Variants in RGS6 observed in about 807,000 individuals in gnomAD.
RGS6 encodes the protein regulator of G protein signaling 6.
RGS6 carries 30 observed loss-of-function variants against 78.5 expected under a neutral mutation model. The ratio of observed to expected loss-of-function variants is 0.38; its 90% CI spans 0.29 to 0.52. The LOEUF (loss-of-function observed/expected upper bound fraction) is 0.52. RGS6 is among the 20% of genes least tolerant of loss of function. The probability of loss-of-function intolerance (pLI) is 0.85; values close to 1 mark genes in which losing one functional copy is unlikely to be tolerated. For synonymous variants in RGS6, 206 were observed against 206.0 expected (o/e 1.00, Z 0.00); for missense variants, 495 against 609.7 (o/e 0.81, Z 1.98).
the RGS6 span, among the ~76,000 whole-genome samples, chr14:71,876,867 C>T: frequency 2.0e-5 from 3 of 151,968 alleles, no homozygotes; most frequent in East Asian, 5.8e-4. Context: ...TTAGGGCAGG[C>T]CTGGTGGTGA....
chr14:72,006,716 T>C (rs564691141), intron 2 of RGS6, among the ~76,000 whole-genome samples: 1 of 152,324 alleles, frequency 6.6e-6, no homozygotes, highest in Admixed American at 6.5e-5. Context: ...CGTGAAACAA[T>C]AAATTCTTGT....
At chr14:72,184,877 T>A (rs955303822) in intron 2 of RGS6, among the ~76,000 whole-genome samples, 1 of 152,192 alleles carries the variant, frequency 6.6e-6, no homozygotes, top group Non-Finnish European at 1.5e-5. Flanking sequence ...GATAGATAGA[T>A]GTACATATGA....
At chr14:71,869,408 G>T in the RGS6 span, among the ~76,000 whole-genome samples, 1 of 152,196 alleles carries the variant, frequency 6.6e-6, no homozygotes, top group Non-Finnish European at 1.5e-5. Flanking sequence ...GATTCCAGGG[G>T]ACCTTTCCCA....
At position 72,255,380 on chromosome 14, in the gene RGS6, A is replaced by G. The variant is rs572553007; in HGVS notation, c.85-96715A>G. On this transcript the variant is annotated intron_variant, in intron 2 of 17. Coordinates refer to ENST00000553525, the MANE Select transcript of RGS6 (RefSeq NM_001204424.2). ...TGGCCTCTAGCTAGGGCCTCAAAAC[A>G]GGGTGAAGACAGTATAGAATAAAAA... Among the ~76,000 whole-genome samples the G allele has an allele frequency of 2.0e-5, 3 of 152,320 alleles. No homozygotes were observed. The South Asian group carries it at 6.2e-4, about 32-fold the overall frequency.
intron 2 of RGS6, among the ~76,000 whole-genome samples, chr14:72,004,255 C>G (rs140703114): frequency 7.8e-4 from 119 of 152,230 alleles, no homozygotes; most frequent in African/African-American, 2.5e-3. Flanking sequence ...TATTTATGTT[C>G]TGTTAAGATT....
intron 3 of RGS6, among the ~76,000 whole-genome samples, chr14:72,365,336 A>C (rs564922738): frequency 1.8e-4 from 28 of 152,256 alleles, no homozygotes; most frequent in Non-Finnish European, 3.8e-4. Flanking sequence ...TAAGCAGAGC[A>C]GAAAATTGAT....
At chr14:72,400,377 AAAG>A (rs1400979726) in intron 3 of RGS6, among the ~76,000 whole-genome samples, 2 of 152,224 alleles carry the variant, frequency 1.3e-5, no homozygotes, top group African/African-American at 2.4e-5. Flanking sequence ...TCGAGCAATG[AAAG>A]AAGATGATTT....
intron 4 of RGS6, among the ~76,000 whole-genome samples, chr14:72,457,624 CCAAAGGAA>C (rs11277788): frequency 0.22 from 33,446 of 151,968 alleles, 4,088 homozygotes; most frequent in Middle Eastern, 0.29. Context: ...ATGGCTGGTG[CCAAAGGAA>C]CGAAGGAACA....
intron 1 of RGS6, among the ~76,000 whole-genome samples, chr14:71,943,896 G>A (rs1166977777): frequency 6.6e-6 from 1 of 152,160 alleles, no homozygotes; most frequent in African/African-American, 2.4e-5. Flanking sequence ...TGGACTAGTG[G>A]GGGTGCATGG....
At chr14:72,242,596 T>A (rs1338993384) in intron 2 of RGS6, among the ~76,000 whole-genome samples, 1 of 152,140 alleles carries the variant, frequency 6.6e-6, no homozygotes, top group African/African-American at 2.4e-5. Flanking sequence ...CTGCCGTTTT[T>A]GACAGGTAAA....
At chr14:72,547,489 G>A in intron 17 of RGS6, 1 of 670,890 alleles carries the variant, frequency 1.5e-6, no homozygotes, top group South Asian at 1.8e-5. Context: ...AGTTAGGAAA[G>A]CATGACATTT....
chr14:71,915,014 G>A, the RGS6 span, among the ~76,000 whole-genome samples: 2 of 151,498 alleles, frequency 1.3e-5, no homozygotes, highest in Admixed American at 6.6e-5. Flanking sequence ...TTGGGAGGCC[G>A]AGGCAGACAG....
chr14:72,330,005 G>A (rs2074638142), intron 2 of RGS6, among the ~76,000 whole-genome samples: 1 of 152,198 alleles, frequency 6.6e-6, no homozygotes, highest in Admixed American at 6.5e-5. Context: ...CTATAAACTT[G>A]GATGGCATCA....
intron 2 of RGS6, among the ~76,000 whole-genome samples, chr14:72,135,617 CT>C (rs144337428): frequency 0.051 from 7,570 of 149,618 alleles, 210 homozygotes; most frequent in Non-Finnish European, 0.056. Context: ...GCCTAATATT[CT>C]TTTTTTTTTC....
At chr14:72,023,825 G>A (rs948743493) in intron 2 of RGS6, among the ~76,000 whole-genome samples, 1 of 152,182 alleles carries the variant, frequency 6.6e-6, no homozygotes, top group Non-Finnish European at 1.5e-5. Flanking sequence ...TACAGTGGAA[G>A]GGAATGCCAT....
intron 2 of RGS6, among the ~76,000 whole-genome samples, chr14:72,002,745 A>G (rs1014507352): frequency 6.6e-6 from 1 of 152,134 alleles, no homozygotes; most frequent in Non-Finnish European, 1.5e-5. Context: ...AGATTTTTGC[A>G]TACATTATCC....
chr14:72,186,990 T>C (rs982356355), intron 2 of RGS6, among the ~76,000 whole-genome samples: 5 of 152,146 alleles, frequency 3.3e-5, no homozygotes, highest in African/African-American at 4.8e-5. Flanking sequence ...TCTCCCTGAA[T>C]GGAAAGTGTC....
chr14:72,019,716 C>T lies in RGS6; in HGVS notation c.84+54841C>T, dbSNP rs111282877. Among the ~76,000 whole-genome samples the T allele has an allele frequency of 6.8e-4, 104 of 152,226 alleles. 1 individual carries two copies. Among genetic ancestry groups the T allele is most frequent in the African/African-American group, 2.4e-3 (99 of 41,544 alleles). ...GCCCATACTCTGAAATCAAGGCAGA[C>T]GGTAAAGGTGGAGTCAGTGGTCATT... is the stretch of plus-strand genomic sequence containing the variant. On this transcript the variant is annotated intron_variant, in intron 2 of 17. Coordinates refer to ENST00000553525, the MANE Select transcript of RGS6 (RefSeq NM_001204424.2).
At chr14:71,890,356 G>GACAGAC in the RGS6 span, among the ~76,000 whole-genome samples, 2 of 113,814 alleles carry the variant, frequency 1.8e-5, no homozygotes, top group Non-Finnish European at 3.5e-5. Flanking sequence ...GTGTGCATAA[G>GACAGAC]ACAGAGAGAG....
Sources: allele counts gnomAD v4.1 joint callset (sites outside exome capture counted in the v4.1 genomes callset), GRCh38; gene constraint gnomAD v4.1.1; transcripts MANE v1.5; gene names NCBI Gene and HGNC (gene_info 2026-07-23, HGNC 2026-07-21).